Variants in CLN6 observed in about 807,000 individuals in gnomAD.
The protein encoded by CLN6 is ceroid-lipofuscinosis neuronal protein 6.
A neutral mutation model predicts 33.3 loss-of-function variants in CLN6; 22 were observed. That is an observed-to-expected ratio of 0.66 (90% CI 0.47 to 0.94). CLN6 has a LOEUF of 0.94. Ranked by LOEUF, CLN6 falls within the 40% of genes least tolerant of loss-of-function variation. CLN6 has a pLI of 0.00. For synonymous variants in CLN6, 201 were observed against 174.6 expected (o/e 1.15, Z -1.19); for missense variants, 387 against 417.1 (o/e 0.93, Z 0.63).
At chr15:68,215,526 G>A (rs1260348614) in intron 2 of CLN6, 1 of 151,874 alleles carries the variant, frequency 6.6e-6, no homozygotes, top group African/African-American at 2.4e-5. Context: ...TTATTGAGAT[G>A]AGGTCTCCTT....
Position 68,256,300 on chromosome 15 carries a change from G to C in CLN6, c.179+390C>G, listed in dbSNP as rs1275134634. 2.0e-5 allele frequency among the ~76,000 whole-genome samples: 3 copies of C among 151,786 alleles called. No homozygotes were observed. The highest frequency in any genetic ancestry group is 7.3e-5 in the African/African-American group (3 of 41,300). ...TTTTTTGTATTTTTAGTAGAGGCGG[G>C]GTTTCACTATGTTGGCCAGGCTGGT... On this transcript the variant is annotated intron_variant, in intron 1 of 6. Transcript: ENST00000538696. This position sits in a 1 kb window ranked among gnomAD's most constrained non-coding sequence, Gnocchi z 4.1.
At position 68,210,082 on chromosome 15, in the gene CLN6, GCAC is replaced by G. The variant is rs1567095278; in HGVS notation, c.543-326_543-324del. ...ATGCACCGCAGACACCAGCAGCCCA[GCAC>G]CACACTAGCCTGGAGACAGAGGCAC... On this transcript the variant is annotated intron_variant, in intron 5 of 6. Coordinates refer to ENST00000249806, the MANE Select transcript of CLN6 (RefSeq NM_017882.3). This position sits in a 1 kb window ranked among gnomAD's most constrained non-coding sequence, Gnocchi z 5.6. Among the ~76,000 whole-genome samples the G allele has an allele frequency of 2.0e-5, 3 of 152,130 alleles. No homozygotes were observed. Among genetic ancestry groups the G allele is most frequent in the African/African-American group, 2.4e-5 (1 of 41,424 alleles).
At chr15:68,223,212 G>A (rs948708792) in intron 1 of CLN6, among the ~76,000 whole-genome samples, 2 of 152,152 alleles carry the variant, frequency 1.3e-5, no homozygotes, top group African/African-American at 4.8e-5. Context: ...AAGCACGGAT[G>A]GATGAATCTA....
At chr15:68,230,392 C>T (rs2093266425), upstream of CLN6, among the ~76,000 whole-genome samples, 1 of 152,066 alleles carries the variant, frequency 6.6e-6, no homozygotes, top group African/African-American at 2.4e-5. This position sits in a 1 kb window ranked among gnomAD's most constrained non-coding sequence, Gnocchi z 4.0. Context: ...GCTGTTGGAC[C>T]GGTGGTCTGA....
chr15:68,225,701 A>G (rs1405828330), intron 1 of CLN6, among the ~76,000 whole-genome samples: 1 of 152,240 alleles, frequency 6.6e-6, no homozygotes, highest in Non-Finnish European at 1.5e-5. Flanking sequence ...GGCTGGGCGC[A>G]GTGGCTCATG....
chr15:68,215,570 C>G (rs536652611), intron 2 of CLN6: 1 of 152,036 alleles, frequency 6.6e-6, no homozygotes, highest in Non-Finnish European at 1.5e-5. Context: ...CTCCTGGGCT[C>G]AAGCGATCCT....
Position 68,211,703 on chromosome 15 carries a change from A to G in CLN6, c.458T>C (p.Ile153Thr). The G allele has an allele frequency of 6.2e-7, 1 of 1,613,776 alleles. No individual in the cohort carries two copies. Among genetic ancestry groups the G allele is most frequent in the Non-Finnish European group, 8.5e-7 (1 of 1,179,974 alleles). ...QHHLSVRENP[I>T]IKNLKPETLI... ...CGTCTCCGGCTTGAGATTCTTGATG[A>G]TGGGGTTCTCACGGACAGACAGGTG... The change falls in exon 4 of 7, where the codon ATC becomes ACC. Residue 153 changes from isoleucine to threonine, a missense_variant. Physicochemically the swap from Ile to Thr is moderately conservative, Grantham distance 89 (BLOSUM62 -1). Coordinates refer to ENST00000249806, the MANE Select transcript of CLN6 (RefSeq NM_017882.3). The surrounding 1 kb of genome is among the most constrained non-coding windows in gnomAD (Gnocchi z 5.9).
rs1316096448 is a variant in CLN6, at chr15:68,227,676, G to GT, written c.83+1825dup. Among the ~76,000 whole-genome samples, 1 of 152,194 alleles carries GT rather than the reference G, an allele frequency of 6.6e-6. No individual in the cohort carries two copies. The highest frequency in any genetic ancestry group is 2.1e-4 in the South Asian group (1 of 4,830). On this transcript the variant is annotated intron_variant, in intron 1 of 6. Coordinates refer to ENST00000249806, the MANE Select transcript of CLN6 (RefSeq NM_017882.3). The surrounding 1 kb of genome is among the most constrained non-coding windows in gnomAD (Gnocchi z 4.1). ...AAGTGGAGTCGTAAGAGCAGAGCCC[G>GT]TAAGTCAGAAACCCTGGGTTTAGGC...
upstream of CLN6, among the ~76,000 whole-genome samples, chr15:68,232,767 C>T (rs1315756365): frequency 2.6e-5 from 4 of 152,166 alleles, no homozygotes; most frequent in Admixed American, 1.3e-4. The surrounding 1 kb of genome is among the most constrained non-coding windows in gnomAD (Gnocchi z 4.7). Flanking sequence ...CTGGGCCATG[C>T]GCAGTGGCTC....
intron 1 of CLN6, among the ~76,000 whole-genome samples, chr15:68,240,443 CA>C (rs572052964): frequency 6.6e-6 from 1 of 150,974 alleles, no homozygotes. Context: ...ACTAAAAATA[CA>C]AAAAAAATTA....
At chr15:68,234,103 G>A (rs1892192419), upstream of CLN6, among the ~76,000 whole-genome samples, 1 of 152,198 alleles carries the variant, frequency 6.6e-6, no homozygotes, top group South Asian at 2.1e-4. This position sits in a 1 kb window ranked among gnomAD's most constrained non-coding sequence, Gnocchi z 4.1. Context: ...GGATGCAGTT[G>A]GGCCTCAGGA....
chr15:68,238,568 A>G (rs1377378874), intron 1 of CLN6, among the ~76,000 whole-genome samples: 1 of 152,218 alleles, frequency 6.6e-6, no homozygotes, highest in African/African-American at 2.4e-5. Flanking sequence ...AGACAGAAAA[A>G]TATCTTCAAA....
At position 68,220,793 on chromosome 15, in the gene CLN6, T is replaced by C. The variant is rs1384513022; in HGVS notation, c.84-2143A>G. ...CACACACAATTCAAACCTGGGTTTATGTTAATTCAAGACCTGTGCTCTTAA... is the reference window on the plus strand; with the variant it reads ...CACACACAATTCAAACCTGGGTTTACGTTAATTCAAGACCTGTGCTCTTAA... On this transcript the variant is annotated intron_variant, in intron 1 of 6. Transcript: ENST00000249806. The surrounding 1 kb of genome is among the most constrained non-coding windows in gnomAD (Gnocchi z 4.2). Among the ~76,000 whole-genome samples, 1 of 152,234 alleles carries C rather than the reference T, an allele frequency of 6.6e-6. No individual in the cohort carries two copies. Among genetic ancestry groups the C allele is most frequent in the East Asian group, 1.9e-4 (1 of 5,190 alleles).
intron 1 of CLN6, 72 bp downstream of exon 1, chr15:68,229,430 C>T: frequency 8.3e-7 from 1 of 1,201,748 alleles, no homozygotes; most frequent in Non-Finnish European, 1.1e-6. Context: ...GCCCTAGGAG[C>T]GTCACGTGGC....
rs1423869248 is a variant in CLN6 at position 68,220,461 on chromosome 15, G to A, written c.84-1811C>T. ...TTTCTTAGCCACAGGAAGGGCCAGT[G>A]ATCTAGACTGGCCCAGTGGGACTTT... On this transcript the variant is annotated intron_variant, in intron 1 of 6. Transcript: ENST00000249806. This position sits in a 1 kb window ranked among gnomAD's most constrained non-coding sequence, Gnocchi z 4.2. 6.6e-6 allele frequency among the ~76,000 whole-genome samples: 1 copy of A among 152,232 alleles called. No individual in the cohort carries two copies. The highest frequency in any genetic ancestry group is 1.5e-5 in the Non-Finnish European group (1 of 68,040).
chr15:68,251,720 T>C, intron 1 of CLN6, among the ~76,000 whole-genome samples: 1 of 152,020 alleles, frequency 6.6e-6, no homozygotes, highest in Non-Finnish European at 1.5e-5. Flanking sequence ...ATGTCTGCTA[T>C]CACCCCTTCT....
intron 2 of CLN6, 21 bp from the exon 3 acceptor site, chr15:68,214,409 T>A: frequency 6.3e-6 from 10 of 1,578,094 alleles, no homozygotes; most frequent in Non-Finnish European, 7.8e-6. Context: ...AATGGAAGAA[T>A]GGGCTCACCT....
intron 1 of CLN6, among the ~76,000 whole-genome samples, chr15:68,254,125 C>T (rs1329445605): frequency 3.3e-5 from 5 of 151,500 alleles, no homozygotes; most frequent in Non-Finnish European, 7.4e-5. Flanking sequence ...GTGATCCGCC[C>T]GTCTCGGCCT....
chr15:68,216,397 C>T (rs943654076), intron 2 of CLN6, among the ~76,000 whole-genome samples: 2 of 152,180 alleles, frequency 1.3e-5, no homozygotes, highest in Admixed American at 1.3e-4. Flanking sequence ...CAACTCTTGG[C>T]TCAATTCCTC....
Sources: allele counts gnomAD v4.1 joint callset (sites outside exome capture counted in the v4.1 genomes callset), GRCh38; gene constraint gnomAD v4.1.1; non-coding constraint Gnocchi (gnomAD v3.1); transcripts MANE v1.5; gene names NCBI Gene and HGNC (gene_info 2026-07-23, HGNC 2026-07-21).